SLAMF8: variants seen among roughly 807,000 people sequenced by gnomAD.
The protein encoded by SLAMF8 is B lymphocyte activator macrophage expressed.
In SLAMF8, 23 loss-of-function variants were observed where a neutral mutation model predicts 29.0. The observed-to-expected ratio is 0.79, with a 90% CI of 0.57 to 1.13. The LOEUF is 1.13. SLAMF8 is among the 50% of genes most tolerant of loss of function. SLAMF8 has a pLI of 0.00. For missense variants in SLAMF8, 381 were observed against 353.1 expected (o/e 1.08, Z -0.63); for synonymous variants, 139 against 145.6 (o/e 0.96, Z 0.32).
intron 4 of SLAMF8, among the ~76,000 whole-genome samples, chr1:159,833,908 GACAA>G (rs1253143358): frequency 6.6e-6 from 1 of 152,156 alleles, no homozygotes; most frequent in Admixed American, 6.5e-5. Context: ...AGCTGGTATC[GACAA>G]ACATTGTTGA....
chr1:159,834,103 G>C (rs1190893700), intron 4 of SLAMF8, among the ~76,000 whole-genome samples: 1 of 152,210 alleles, frequency 6.6e-6, no homozygotes, highest in Non-Finnish European at 1.5e-5. Context: ...CCCTTCCTCT[G>C]CCGCAGGATG....
Position 159,826,921 on chromosome 1 carries a change from G to T in SLAMF8, c.23G>T (p.Ser8Ile). 6.2e-7 allele frequency: 1 copy of T among 1,614,182 alleles called. No homozygotes were observed. The highest frequency in any genetic ancestry group is 8.5e-7 in the Non-Finnish European group (1 of 1,180,034). Residue 8 changes from serine (S) to isoleucine (I), a missense_variant, in exon 1 of 5, where the codon AGT becomes ATT. Physicochemically the swap from Ser to Ile is moderately radical, Grantham distance 142. Transcript: ENST00000289707. ...AAGATGGTCATGAGGCCCCTGTGGA[G>T]TCTGCTTCTCTGGGAAGGTAAGTGG... MVMRPLW[S>I]LLLWEALLPI...
Position 159,832,950 on chromosome 1 carries a change from G to A in SLAMF8, c.442G>A (p.Val148Ile). 1 of 1,614,192 alleles carries A rather than the reference G, an allele frequency of 6.2e-7. No individual in the cohort carries two copies. Among genetic ancestry groups the A allele is most frequent in the Non-Finnish European group, 8.5e-7 (1 of 1,180,032 alleles). ...TGCTCAGCCCTCCAAGACCTGCCAG[G>A]TTTTCTTGTCCTGTTGGGCCCCCAA... ...RDAQPSKTCQ[V>I]FLSCWAPNIS... The change falls in exon 3 of 5, where the codon GTT becomes ATT. Residue 148 changes from valine to isoleucine, a missense_variant. By Grantham distance (29) the Val-to-Ile change is conservative. Coordinates refer to ENST00000289707, the MANE Select transcript of SLAMF8 (RefSeq NM_020125.3).
chr1:159,836,157 TGA>T lies in SLAMF8; in HGVS notation c.*903_*904del, dbSNP rs1647913327. The T allele has an allele frequency of 1.0e-6, 1 of 985,170 alleles. No homozygotes were observed. The highest frequency in any genetic ancestry group is 6.1e-5 in the Admixed American group (1 of 16,268). 61.0% of individuals were successfully genotyped at this position (985,170 alleles called of 1,614,324 possible). On this transcript the variant is annotated 3_prime_UTR_variant, in exon 5 of 5. Coordinates refer to ENST00000289707, the MANE Select transcript of SLAMF8 (RefSeq NM_020125.3). ...CAGGATGAGTCTTCCTGCCTGAAACTGAGAGAGTGAAGAACCATAAAACGCTA... is the reference window on the plus strand; with the variant it reads ...CAGGATGAGTCTTCCTGCCTGAAACTGAGAGTGAAGAACCATAAAACGCTA...
chr1:159,829,368 T>C (rs540504983), intron 1 of SLAMF8, among the ~76,000 whole-genome samples: 8 of 152,290 alleles, frequency 5.3e-5, no homozygotes, highest in Admixed American at 3.3e-4. Context: ...AATTTCCTAC[T>C]CCTCACACAG....
At position 159,833,294 on chromosome 1, in the gene SLAMF8, C is replaced by G; in HGVS notation, c.706C>G (p.Leu236Val). ...PGKASYKDVL[L>V]VVVPVSLLLM... ...GAAGGCCTCCTACAAAGATGTGCTGCTGGTGGTGGTGCCTGTCTCGCTGCT... is the reference window on the plus strand; with the variant it reads ...GAAGGCCTCCTACAAAGATGTGCTGGTGGTGGTGGTGCCTGTCTCGCTGCT... Residue 236 changes from leucine (L) to valine (V), a missense_variant, in exon 4 of 5, where the codon CTG (leucine) becomes GTG (valine). Physicochemically the swap from Leu to Val is conservative, Grantham distance 32 (BLOSUM62 1). Coordinates refer to ENST00000289707, the MANE Select transcript of SLAMF8 (RefSeq NM_020125.3). 6.2e-7 allele frequency: 1 copy of G among 1,614,192 alleles called. No homozygotes were observed. Among genetic ancestry groups the G allele is most frequent in the South Asian group, 1.1e-5 (1 of 91,086 alleles).
intron 1 of SLAMF8, among the ~76,000 whole-genome samples, chr1:159,829,488 T>G (rs1026723947): frequency 2.6e-5 from 4 of 152,208 alleles, no homozygotes; most frequent in African/African-American, 7.2e-5. Context: ...CGCCCTCGGC[T>G]TGGCCTGGCT....
chr1:159,827,641 A>T (rs1204360701), intron 1 of SLAMF8, among the ~76,000 whole-genome samples: 1 of 152,126 alleles, frequency 6.6e-6, no homozygotes, highest in African/African-American at 2.4e-5. Context: ...GGTGCAGCAA[A>T]GATTAAGATG....
Position 159,836,212 on chromosome 1 carries a change from G to A in SLAMF8, c.*952G>A, listed in dbSNP as rs1007179355. On this transcript the variant is annotated 3_prime_UTR_variant, in exon 5 of 5. Coordinates refer to ENST00000289707, the MANE Select transcript of SLAMF8 (RefSeq NM_020125.3). Reference sequence around the variant, plus strand: ...CAGAAGGAACATTATGGAGAGAAAGGGTACTGAGGCACTCTAGAATCTGCC... The same window carrying A: ...CAGAAGGAACATTATGGAGAGAAAGAGTACTGAGGCACTCTAGAATCTGCC... The A allele has an allele frequency of 2.0e-6, 2 of 985,302 alleles. No homozygotes were observed. The highest frequency in any genetic ancestry group is 1.7e-5 in the African/African-American group (1 of 57,222). The allele number at this position is 985,302 out of a possible 1,614,324, so 61.0% of individuals were successfully genotyped here. A position where few individuals can be genotyped will look rare whatever the true frequency, so the allele number is the denominator to read the frequency against.
Position 159,831,790 on chromosome 1 carries a change from T to A in SLAMF8, c.368-1086T>A, listed in dbSNP as rs535374809. 5.9e-5 allele frequency among the ~76,000 whole-genome samples: 9 copies of A among 152,356 alleles called. No individual in the cohort carries two copies. In the South Asian group the frequency reaches 1.9e-3, roughly 32 times the overall value. Reference sequence around the variant, plus strand: ...GACAATAGATAAGAACGATTTGAATTAGCAGATCAGTTACTAGAAATGTCA... The same window carrying A: ...GACAATAGATAAGAACGATTTGAATAAGCAGATCAGTTACTAGAAATGTCA... On this transcript the variant is annotated intron_variant, in intron 2 of 4. Transcript: ENST00000289707.
intron 1 of SLAMF8, among the ~76,000 whole-genome samples, chr1:159,829,385 ACT>A (rs1219115987): frequency 6.6e-6 from 1 of 151,800 alleles, no homozygotes; most frequent in African/African-American, 2.4e-5. Flanking sequence ...ACAGAGAACT[ACT>A]CTCAGTTCCC....
intron 2 of SLAMF8, among the ~76,000 whole-genome samples, chr1:159,831,017 C>T (rs541450358): frequency 2.0e-5 from 3 of 152,148 alleles, no homozygotes; most frequent in East Asian, 1.9e-4. Context: ...CTGGGGGCTG[C>T]GTGGGCCTTG....
rs1193008023 is a variant in SLAMF8, at chr1:159,837,084, G to A, written c.*1824G>A. On this transcript the variant is annotated 3_prime_UTR_variant, in exon 5 of 5. Coordinates refer to ENST00000289707, the MANE Select transcript of SLAMF8 (RefSeq NM_020125.3). The stretch of plus-strand genomic sequence containing the variant: ...CCCACCTTTCTTTCGTTCATCTCCA[G>A]GGCCCCACCTCAGATCAAAGCAGCT... 1 of 985,284 alleles carries A rather than the reference G, an allele frequency of 1.0e-6. No homozygotes were observed. The highest frequency in any genetic ancestry group is 1.7e-5 in the African/African-American group (1 of 57,202). The allele number at this position is 985,284 out of a possible 1,614,324, so 61.0% of individuals were successfully genotyped here.
chr1:159,836,070 A>G lies in SLAMF8; in HGVS notation c.*810A>G, dbSNP rs906603228. ...TCCAGCACAGTGGCCAGGAAAAGAA[A>G]TACTGAATTTGCCCCAGCCAACAGG... On this transcript the variant is annotated 3_prime_UTR_variant, in exon 5 of 5. Coordinates refer to ENST00000289707, the MANE Select transcript of SLAMF8 (RefSeq NM_020125.3). 6 of 985,354 alleles carry G rather than the reference A, an allele frequency of 6.1e-6. No individual in the cohort carries two copies. The highest frequency in any genetic ancestry group is 7.2e-6 in the Non-Finnish European group (6 of 829,952). The allele number at this position is 985,354 out of a possible 1,614,324, so 61.0% of individuals were successfully genotyped here.
chr1:159,829,898 G>A lies in SLAMF8; in HGVS notation c.73G>A (p.Val25Met), dbSNP rs762647287. 2.7e-5 allele frequency: 43 copies of A among 1,613,604 alleles called. No individual in the cohort carries two copies. The Admixed American group carries it at 4.8e-4, about 18-fold the overall frequency. ...LLPITVTGAQ[V>M]LSKVGGSVLL... is the part of the protein sequence containing the mutation. ...TCCCATTACAGTTACTGGTGCCCAA[G>A]TGCTGAGCAAAGTCGGGGGCTCGGT... Residue 25 changes from valine to methionine, a missense_variant, in exon 2 of 5, where the codon GTG becomes ATG. Val to Met is a conservative substitution (Grantham distance 21, BLOSUM62 1). Coordinates refer to ENST00000289707, the MANE Select transcript of SLAMF8 (RefSeq NM_020125.3).
chr1:159,832,477 A>C (rs1014236126), intron 2 of SLAMF8, among the ~76,000 whole-genome samples: 3 of 152,264 alleles, frequency 2.0e-5, no homozygotes, highest in African/African-American at 7.2e-5. Flanking sequence ...CAAGGCATTA[A>C]GCAATGTGTT....
Position 159,829,979 on chromosome 1 carries a change from T to C in SLAMF8, c.154T>C (p.Ser52Pro), listed in dbSNP as rs756963310. The change falls in exon 2 of 5, where the codon TCT becomes CCT. Residue 52 changes from serine (S) to proline (P), a missense_variant. Physicochemically the swap from Ser to Pro is moderately conservative, Grantham distance 74. Coordinates refer to ENST00000289707, the MANE Select transcript of SLAMF8 (RefSeq NM_020125.3). ...CCAAGTCCGTGAGGCTATCTGGCGA[T>C]CTCTCTGGCCTTCAGAAGAGCTCCT... Reference protein sequence around the residue: ...GFQVREAIWRSLWPSEELLAT... With the variant: ...GFQVREAIWRPLWPSEELLAT... 2.5e-6 allele frequency: 4 copies of C among 1,614,254 alleles called. No homozygotes were observed. The highest frequency in any genetic ancestry group is 3.4e-6 in the Non-Finnish European group (4 of 1,180,038).
Position 159,830,049 on chromosome 1 carries a change from G to T in SLAMF8, c.224G>T (p.Arg75Leu). ...RGSLETLYHS[R>L]FLGRAQLHSN... ...TCCCTGGAGACTCTGTACCATTCCC[G>T]CTTCCTGGGCCGAGCCCAGCTACAC... The change falls in exon 2 of 5, where the codon CGC becomes CTC. Residue 75 changes from arginine (R) to leucine (L), a missense_variant. Physicochemically the swap from Arg to Leu is moderately radical, Grantham distance 102 (BLOSUM62 -2). Transcript: ENST00000289707. The T allele has an allele frequency of 6.2e-7, 1 of 1,614,174 alleles. No individual in the cohort carries two copies. Among genetic ancestry groups the T allele is most frequent in the Middle Eastern group, 1.6e-4 (1 of 6,062 alleles).
At chr1:159,830,429 T>C (rs935360824) in intron 2 of SLAMF8, among the ~76,000 whole-genome samples, 2 of 152,248 alleles carry the variant, frequency 1.3e-5, no homozygotes, top group Non-Finnish European at 2.9e-5. Flanking sequence ...CAGTCTTTTC[T>C]TGGCTCAGTG....
Sources: allele counts gnomAD v4.1 joint callset (sites outside exome capture counted in the v4.1 genomes callset), GRCh38; gene constraint gnomAD v4.1.1; transcripts MANE v1.5; gene names NCBI Gene and HGNC (gene_info 2026-07-23, HGNC 2026-07-21).